The following ABLIM1 variants were observed in gnomAD, a reference collection of about 807,000 sequenced individuals.
The protein encoded by ABLIM1 is actin-binding LIM protein 1.
ABLIM1 carries 40 observed loss-of-function variants against 107.0 expected under a neutral mutation model. The observed-to-expected ratio is 0.37, with a 90% CI of 0.29 to 0.49. The LOEUF (loss-of-function observed/expected upper bound fraction) is 0.49, where lower values mean the gene tolerates loss of function less well. ABLIM1 is among the 20% of genes least tolerant of loss of function. ABLIM1 has a pLI of 0.97. For missense variants in ABLIM1, 857 were observed against 1,008.5 expected (o/e 0.85, Z 2.04); for synonymous variants, 357 against 357.3 (o/e 1.00, Z 0.01).
At chr10:114,557,458 C>T (rs540148092) in intron 4 of ABLIM1, among the ~76,000 whole-genome samples, 2 of 152,260 alleles carry the variant, frequency 1.3e-5, no homozygotes, top group African/African-American at 4.8e-5. Flanking sequence ...TCTAAGTCCT[C>T]CACAACCTGG....
chr10:114,683,555 C>T (rs1302851559), intron 1 of ABLIM1, among the ~76,000 whole-genome samples: 3 of 152,020 alleles, frequency 2.0e-5, no homozygotes, highest in Admixed American at 1.3e-4. Context: ...GGAGGTCCTG[C>T]GAAACAGAGA....
chr10:114,553,669 G>A (rs1180187478), intron 4 of ABLIM1, among the ~76,000 whole-genome samples: 1 of 152,214 alleles, frequency 6.6e-6, no homozygotes, highest in East Asian at 1.9e-4. Context: ...ACTAAGTGGG[G>A]AAACTCAGGC....
At chr10:114,445,524 T>G in intron 15 of ABLIM1, 121 bp from the exon 16 acceptor site, 1 of 809,650 alleles carries the variant, frequency 1.2e-6, no homozygotes, top group Admixed American at 2.1e-5. Flanking sequence ...TTAACACTTT[T>G]AAGTAAACAA....
intron 1 of ABLIM1, among the ~76,000 whole-genome samples, chr10:114,722,475 C>T (rs1280096408): frequency 2.0e-5 from 3 of 152,182 alleles, no homozygotes; most frequent in African/African-American, 7.2e-5. Flanking sequence ...GGTGGAAACA[C>T]AAATCCAACT....
intron 10 of ABLIM1, among the ~76,000 whole-genome samples, chr10:114,470,594 C>T (rs2066315388): frequency 6.6e-6 from 1 of 152,132 alleles, no homozygotes; most frequent in Non-Finnish European, 1.5e-5. Context: ...GGGGCACCCT[C>T]TATGCATAGA....
intron 6 of ABLIM1, among the ~76,000 whole-genome samples, chr10:114,516,953 C>T (rs1405830278): frequency 2.0e-5 from 3 of 152,116 alleles, no homozygotes; most frequent in Non-Finnish European, 4.4e-5. Context: ...TTTCTGGGAC[C>T]TGCGATTAAC....
chr10:114,632,155 G>A, intron 1 of ABLIM1: 1 of 985,410 alleles, frequency 1.0e-6, no homozygotes, highest in Non-Finnish European at 1.2e-6. Flanking sequence ...CCGAGCTGCA[G>A]CCGCGCCCAG....
At chr10:114,673,445 T>G (rs986563308) in intron 1 of ABLIM1, among the ~76,000 whole-genome samples, 1 of 152,184 alleles carries the variant, frequency 6.6e-6, no homozygotes, top group Non-Finnish European at 1.5e-5. Flanking sequence ...TGTTCATGTC[T>G]TCATCCTCAT....
At chr10:114,533,762 G>A (rs1014478256) in intron 6 of ABLIM1, among the ~76,000 whole-genome samples, 5 of 152,096 alleles carry the variant, frequency 3.3e-5, no homozygotes, top group African/African-American at 9.7e-5. Context: ...TTGCAGCTTC[G>A]AACACCTGGG....
At chr10:114,594,344 C>T (rs1305359177) in intron 2 of ABLIM1, among the ~76,000 whole-genome samples, 4 of 152,174 alleles carry the variant, frequency 2.6e-5, no homozygotes, top group Non-Finnish European at 4.4e-5. Context: ...TGATAGATAT[C>T]TTTACTTGCA....
intron 1 of ABLIM1, among the ~76,000 whole-genome samples, chr10:114,635,800 G>A (rs180992785): frequency 2.1e-3 from 315 of 152,324 alleles, no homozygotes; most frequent in African/African-American, 7.0e-3. Flanking sequence ...GGGATTACAG[G>A]CGTGAGCCAC....
At chr10:114,526,754 C>G in intron 6 of ABLIM1, 1 of 985,500 alleles carries the variant, frequency 1.0e-6, no homozygotes, top group Non-Finnish European at 1.2e-6. Context: ...GGCCAAGAGG[C>G]TTTGTAGATG....
At chr10:114,651,771 G>C (rs2079256727) in intron 1 of ABLIM1, among the ~76,000 whole-genome samples, 1 of 152,160 alleles carries the variant, frequency 6.6e-6, no homozygotes, top group South Asian at 2.1e-4. Flanking sequence ...GCAAGATGTA[G>C]AAGTAACTGG....
intron 1 of ABLIM1, among the ~76,000 whole-genome samples, chr10:114,617,607 G>A (rs1327857900): frequency 6.6e-6 from 1 of 151,956 alleles, no homozygotes; most frequent in Non-Finnish European, 1.5e-5. Flanking sequence ...ATCTGCAAGG[G>A]ACCTCGGGCC....
chr10:114,717,620 GA>G (rs1370269701), intron 1 of ABLIM1, among the ~76,000 whole-genome samples: 1 of 152,090 alleles, frequency 6.6e-6, no homozygotes, highest in African/African-American at 2.4e-5. Context: ...AGTACTCATT[GA>G]AATAGATGAT....
At chr10:114,500,174 A>G (rs998110390) in intron 6 of ABLIM1, among the ~76,000 whole-genome samples, 1 of 152,150 alleles carries the variant, frequency 6.6e-6, no homozygotes, top group African/African-American at 2.4e-5. Context: ...GCTCACAAAC[A>G]CTGCTTTAAA....
At chr10:114,658,843 T>C (rs979513741), upstream of ABLIM1, among the ~76,000 whole-genome samples, 1 of 152,218 alleles carries the variant, frequency 6.6e-6, no homozygotes, top group South Asian at 2.1e-4. Flanking sequence ...ACTGTCGTAA[T>C]GTTTCATGGG....
intron 1 of ABLIM1, among the ~76,000 whole-genome samples, chr10:114,730,464 C>T (rs967936029): frequency 6.6e-6 from 1 of 150,594 alleles, no homozygotes; most frequent in African/African-American, 2.4e-5. Flanking sequence ...TGATCAGTCA[C>T]CAAGAGAAAT....
At chr10:114,610,308 G>A (rs563408140) in intron 1 of ABLIM1, among the ~76,000 whole-genome samples, 1 of 152,318 alleles carries the variant, frequency 6.6e-6, no homozygotes, top group Non-Finnish European at 1.5e-5. Flanking sequence ...GCCAGGATTG[G>A]AAATCTCTCT....
Sources: allele counts gnomAD v4.1 joint callset (sites outside exome capture counted in the v4.1 genomes callset), GRCh38; gene constraint gnomAD v4.1.1; transcripts MANE v1.5; gene names NCBI Gene and HGNC (gene_info 2026-07-23, HGNC 2026-07-21).